ARSJ: variants seen among roughly 807,000 people sequenced by gnomAD.
ARSJ encodes the protein arylsulfatase family member J, also known as arylsulfatase J.
ARSJ carries 26 observed loss-of-function variants against 35.9 expected under a neutral mutation model. That is an observed-to-expected ratio of 0.72 (90% CI 0.53 to 1.00). The LOEUF is 1.00. Among genes scored for constraint, ARSJ ranks in the 50% least tolerant of loss-of-function variants. The pLI is 0.00. For synonymous variants in ARSJ, 294 were observed against 267.6 expected (o/e 1.10, Z -0.96); for missense variants, 667 against 723.6 (o/e 0.92, Z 0.90).
chr4:113,951,765 C>T (rs1029673401), intron 1 of ARSJ, among the ~76,000 whole-genome samples: 9 of 151,904 alleles, frequency 5.9e-5, no homozygotes, highest in Admixed American at 5.3e-4. Flanking sequence ...GTTAGCTATC[C>T]CTCCTGTTAA....
intron 1 of ARSJ, among the ~76,000 whole-genome samples, chr4:113,903,938 T>G (rs1418647102): frequency 6.6e-6 from 1 of 152,232 alleles, no homozygotes; most frequent in African/African-American, 2.4e-5. Context: ...TCGAAAGTCT[T>G]TTTGAGACGG....
chr4:113,977,268 T>C (rs530463665), intron 1 of ARSJ, among the ~76,000 whole-genome samples: 5 of 152,332 alleles, frequency 3.3e-5, no homozygotes, highest in African/African-American at 9.6e-5. Context: ...TGAAGTACAG[T>C]GAGACTTTTC....
intron 1 of ARSJ, among the ~76,000 whole-genome samples, chr4:113,953,625 T>A (rs1251461146): frequency 6.6e-6 from 1 of 152,024 alleles, no homozygotes; most frequent in Non-Finnish European, 1.5e-5. Flanking sequence ...ACTGGCCACA[T>A]AAACATGGCA....
chr4:113,902,067 G>T lies in ARSJ; in HGVS notation c.*207C>A. 2 of 1,485,440 alleles carry T rather than the reference G, an allele frequency of 1.3e-6. No homozygotes were observed. The highest frequency in any genetic ancestry group is 1.8e-6 in the Non-Finnish European group (2 of 1,100,672). 92.0% of individuals were successfully genotyped at this position (1,485,440 alleles called of 1,614,324 possible). A position where few individuals can be genotyped will look rare whatever the true frequency, so the allele number is the denominator to read the frequency against. ...ATAAACATCTCCACTCTCTCTAAGT[G>T]TGGCTTGCAAGAGTAGCACCTTGGC... is the stretch of plus-strand genomic sequence containing the variant. On this transcript the variant is annotated 3_prime_UTR_variant, in exon 2 of 2. Transcript: ENST00000315366.
intron 1 of ARSJ, among the ~76,000 whole-genome samples, chr4:113,908,649 C>A (rs1341932506): frequency 6.6e-6 from 1 of 152,006 alleles, no homozygotes; most frequent in Non-Finnish European, 1.5e-5. Flanking sequence ...TAGAACACAT[C>A]TGAAAAATAG....
At chr4:113,943,652 G>A (rs1032982228) in intron 1 of ARSJ, 3 of 152,010 alleles carry the variant, frequency 2.0e-5, no homozygotes, top group African/African-American at 7.2e-5. Context: ...AGTGACAGAA[G>A]GCAGTTACAT....
intron 1 of ARSJ, among the ~76,000 whole-genome samples, chr4:113,903,982 G>A (rs1225854737): frequency 6.6e-6 from 1 of 152,210 alleles, no homozygotes; most frequent in African/African-American, 2.4e-5. Flanking sequence ...GAGTGCAGTG[G>A]CGTGATCTCG....
intron 1 of ARSJ, among the ~76,000 whole-genome samples, chr4:113,974,027 G>A: frequency 6.6e-6 from 1 of 152,174 alleles, no homozygotes; most frequent in East Asian, 1.9e-4. Flanking sequence ...AGGTGATGCT[G>A]CAGTGCAATG....
chr4:113,958,609 A>G (rs1726343015), intron 1 of ARSJ, among the ~76,000 whole-genome samples: 1 of 152,050 alleles, frequency 6.6e-6, no homozygotes, highest in Non-Finnish European at 1.5e-5. Flanking sequence ...ATTAACCTGC[A>G]TGTTTTGACT....
At chr4:113,949,549 T>C (rs934574258) in intron 1 of ARSJ, among the ~76,000 whole-genome samples, 1 of 152,066 alleles carries the variant, frequency 6.6e-6, no homozygotes, top group Non-Finnish European at 1.5e-5. Flanking sequence ...CAAGAATCTG[T>C]ACCCAGTGAA....
chr4:113,906,650 T>C lies in ARSJ; in HGVS notation c.399-2975A>G, dbSNP rs369448770. On this transcript the variant is annotated intron_variant, in intron 1 of 1. Coordinates refer to ENST00000315366, the MANE Select transcript of ARSJ (RefSeq NM_024590.4). Reference sequence around the variant, plus strand: ...GGGTGTGGGTTAAGGGTGTAGGTTTTGGAATCAAACAGACCTGGGTTTGAA... The same window carrying C: ...GGGTGTGGGTTAAGGGTGTAGGTTTCGGAATCAAACAGACCTGGGTTTGAA... 1.3e-4 allele frequency: 60 copies of C among 444,674 alleles called. 1 individual carries two copies. The highest frequency in any genetic ancestry group is 1.0e-3 in the African/African-American group (50 of 49,750). The allele number at this position is 444,674 out of a possible 1,614,324, so 27.5% of individuals were successfully genotyped here. A position where few individuals can be genotyped will look rare whatever the true frequency, so the allele number is the denominator to read the frequency against.
In ARSJ at chr4:113,949,734, G is replaced by A. The variant is rs141139980; in HGVS notation, c.398+28703C>T. Among the ~76,000 whole-genome samples the A allele has an allele frequency of 2.8e-3, 429 of 152,178 alleles. 3 individuals carry two copies. Among genetic ancestry groups the A allele is most frequent in the African/African-American group, 9.7e-3 (404 of 41,550 alleles). On this transcript the variant is annotated intron_variant, in intron 1 of 1. Transcript: ENST00000315366. ...CCCTATTTGCTCCTCATTGCCCCAT[G>A]GGATAGATATATTAGTGTCATCTGA...
In ARSJ at chr4:113,978,571, A is replaced by C. The variant is rs765442563; in HGVS notation, c.264T>G (p.Phe88Leu). Residue 88 changes from phenylalanine (F) to leucine (L), a missense_variant, in exon 1 of 2, where the codon TTT (phenylalanine) becomes TTG (leucine). Coordinates refer to ENST00000315366, the MANE Select transcript of ARSJ (RefSeq NM_024590.4). ...CAGATCCGTGGTAACCCACATCTCT[A>C]AATCCCTGATCATCCGCTAGGATGA... is the stretch of plus-strand genomic sequence containing the variant. ...LIFILADDQGFRDVGYHGSEI... is the reference protein window; with the variant it reads ...LIFILADDQGLRDVGYHGSEI... The C allele has an allele frequency of 6.2e-7, 1 of 1,614,240 alleles. No homozygotes were observed. Among genetic ancestry groups the C allele is most frequent in the East Asian group, 2.2e-5 (1 of 44,888 alleles).
chr4:113,934,548 T>C (rs993999194), intron 1 of ARSJ, among the ~76,000 whole-genome samples: 1 of 151,758 alleles, frequency 6.6e-6, no homozygotes, highest in African/African-American at 2.4e-5. Context: ...GTCTTTGAGA[T>C]TGAAGTAGAT....
At chr4:113,973,489 G>C (rs1166098912) in intron 1 of ARSJ, among the ~76,000 whole-genome samples, 1 of 152,046 alleles carries the variant, frequency 6.6e-6, no homozygotes, top group Non-Finnish European at 1.5e-5. Flanking sequence ...CTCTTCAACT[G>C]TACTTCTGCA....
chr4:113,939,668 T>C (rs536509062), intron 1 of ARSJ, among the ~76,000 whole-genome samples: 7 of 152,196 alleles, frequency 4.6e-5, no homozygotes, highest in African/African-American at 1.4e-4. Flanking sequence ...CCAGTGATGA[T>C]GAGCATTTTT....
chr4:113,924,089 AT>A (rs1428791179), intron 1 of ARSJ, among the ~76,000 whole-genome samples: 39 of 128,598 alleles, frequency 3.0e-4, no homozygotes, highest in East Asian at 1.1e-3. Context: ...ATATATATAT[AT>A]ATATATATAT....
At chr4:113,930,034 A>G (rs1425069382) in intron 1 of ARSJ, among the ~76,000 whole-genome samples, 1 of 152,104 alleles carries the variant, frequency 6.6e-6, no homozygotes, top group East Asian at 1.9e-4. Context: ...GGGTCTAATC[A>G]TATTAAGCAG....
At chr4:113,971,608 C>T (rs1196200635) in intron 1 of ARSJ, among the ~76,000 whole-genome samples, 2 of 152,124 alleles carry the variant, frequency 1.3e-5, no homozygotes, top group Admixed American at 1.3e-4. Flanking sequence ...GGTGTCAAAG[C>T]CACCCTCTCC....
Sources: gnomAD v4.1 joint callset for allele counts (sites outside exome capture counted in the v4.1 genomes callset) on GRCh38, gnomAD v4.1.1 for gene constraint, MANE v1.5 for transcripts, NCBI Gene and HGNC (gene_info 2026-07-23, HGNC 2026-07-21) for gene names.